The following PRKDC variants were observed in gnomAD, a reference collection of about 807,000 sequenced individuals.
The protein encoded by PRKDC is protein kinase, DNA-activated, catalytic subunit.
In PRKDC, 82 loss-of-function variants were observed where a neutral mutation model predicts 486.9. That is an observed-to-expected ratio of 0.17 (90% CI 0.14 to 0.20). The LOEUF is 0.20. Among genes scored for constraint, PRKDC ranks in the 10% least tolerant of loss-of-function variants. The pLI, the probability that PRKDC is intolerant of heterozygous loss-of-function variation, is 1.00. For missense variants in PRKDC, 4,504 were observed against 5,038.2 expected (o/e 0.89, Z 3.21); for synonymous variants, 1,895 against 1,837.0 (o/e 1.03, Z -0.81).
chr8:47,911,366 G>A (rs1250717834), intron 25 of PRKDC, among the ~76,000 whole-genome samples: 1 of 152,238 alleles, frequency 6.6e-6, no homozygotes, highest in Non-Finnish European at 1.5e-5. Context: ...CAAGATTCAG[G>A]CAGACATTCT....
At chr8:47,787,231 A>T (rs1179335007) in intron 76 of PRKDC, among the ~76,000 whole-genome samples, 1 of 152,232 alleles carries the variant, frequency 6.6e-6, no homozygotes, top group African/African-American at 2.4e-5. Flanking sequence ...TGTTTTTACC[A>T]AATTTGTAAC....
In PRKDC at chr8:47,953,683, G is replaced by T; in HGVS notation, c.658C>A (p.Leu220Met). 1 of 1,613,420 alleles carries T rather than the reference G, an allele frequency of 6.2e-7. No individual in the cohort carries two copies. Among genetic ancestry groups the T allele is most frequent in the Non-Finnish European group, 8.5e-7 (1 of 1,179,690 alleles). The change falls in exon 7 of 86, where the codon CTG becomes ATG. Residue 220 changes from leucine (L) to methionine (M), a missense_variant. Around this residue, in one of 6 missense-constraint regions of PRKDC, gnomAD observed 1,969 missense variants for 2,068.9 expected, o/e 0.95. Coordinates refer to ENST00000314191, the MANE Select transcript of PRKDC (RefSeq NM_006904.7). ...SAVREPKLPVLAGCLKGLSSL... is the reference protein window; with the variant it reads ...SAVREPKLPVMAGCLKGLSSL... Reference sequence around the variant, plus strand: ...GACAACCCCTTCAGACATCCTGCCAGAACAGGTAGTTTGGGCTCTCTTACT... The same window carrying T: ...GACAACCCCTTCAGACATCCTGCCATAACAGGTAGTTTGGGCTCTCTTACT...
chr8:47,954,020 A>G, intron 5 of PRKDC, 101 bp from the exon 6 acceptor site: 1 of 693,884 alleles, frequency 1.4e-6, no homozygotes. Context: ...AAAGTTCAAA[A>G]TTGATTTTAC....
At chr8:47,872,951 T>C (rs2088991818) in intron 40 of PRKDC, among the ~76,000 whole-genome samples, 1 of 152,128 alleles carries the variant, frequency 6.6e-6, no homozygotes, top group Non-Finnish European at 1.5e-5. Context: ...ACCTTACAGA[T>C]GTTTACAGAA....
chr8:47,812,031 C>T (rs936391574), intron 68 of PRKDC, among the ~76,000 whole-genome samples: 4 of 152,170 alleles, frequency 2.6e-5, no homozygotes, highest in Non-Finnish European at 5.9e-5. Flanking sequence ...CAAACCTGCA[C>T]ATTCTGCACA....
chr8:47,847,801 A>C (rs961182244), intron 54 of PRKDC, among the ~76,000 whole-genome samples: 5 of 151,916 alleles, frequency 3.3e-5, no homozygotes, highest in African/African-American at 1.2e-4. Flanking sequence ...TAATTCAACA[A>C]GTAAAAAGTG....
chr8:47,927,403 T>A (rs1489106613), intron 20 of PRKDC, 50 bp from the exon 21 acceptor site: 2 of 1,545,996 alleles, frequency 1.3e-6, no homozygotes, highest in Admixed American at 2.2e-5. Context: ...AATATAAGAT[T>A]TAGAGGAAAA....
chr8:47,776,108 C>T (rs752313214), intron 85 of PRKDC, among the ~76,000 whole-genome samples: 16 of 152,138 alleles, frequency 1.1e-4, no homozygotes, highest in Admixed American at 3.9e-4. Context: ...TGAGCCACCA[C>T]GCCCAGCTGA....
chr8:47,959,182 ATAAT>A (rs1342374663), intron 1 of PRKDC: 1 of 152,258 alleles, frequency 6.6e-6, no homozygotes, highest in Admixed American at 6.5e-5. Flanking sequence ...GGAGATCCAC[ATAAT>A]TAAGTATTTG....
intron 40 of PRKDC, among the ~76,000 whole-genome samples, chr8:47,867,081 G>A (rs1375768715): frequency 1.3e-5 from 2 of 152,240 alleles, no homozygotes; most frequent in Non-Finnish European, 2.9e-5. Flanking sequence ...GAACCCAGAA[G>A]TCCATTGGCA....
At position 47,859,690 on chromosome 8, in the gene PRKDC, A is replaced by G; in HGVS notation, c.6128T>C (p.Phe2043Ser). 6.2e-7 allele frequency: 1 copy of G among 1,613,916 alleles called. No homozygotes were observed. Residue 2043 changes from phenylalanine to serine, a missense_variant, in exon 46 of 86, where the codon TTT (phenylalanine) becomes TCT (serine). Transcript: ENST00000314191. ...GCTCTGAACTCCGGTTGAGAAATCAAATTGACTCATTTCCTCACTCAGGGT... is the reference window on the plus strand; with the variant it reads ...GCTCTGAACTCCGGTTGAGAAATCAGATTGACTCATTTCCTCACTCAGGGT... ...DSTLSEEMSQFDFSTGVQSYS... is the reference protein window; with the variant it reads ...DSTLSEEMSQSDFSTGVQSYS...
intron 28 of PRKDC, among the ~76,000 whole-genome samples, chr8:47,899,858 T>C (rs1239110664): frequency 6.6e-6 from 1 of 152,224 alleles, no homozygotes; most frequent in Non-Finnish European, 1.5e-5. Flanking sequence ...TGTAATCATT[T>C]ATTACTCTCT....
Position 47,823,949 on chromosome 8 carries a change from G to C in PRKDC, c.8831C>G (p.Thr2944Ser), listed in dbSNP as rs777699923. Residue 2944 changes from threonine (T) to serine (S), a missense_variant, in exon 64 of 86, where the codon ACC becomes AGC. By Grantham distance (58) the Thr-to-Ser change is moderately conservative. This residue lies in a region of PRKDC where 1,592 missense variants were observed against 1,724.6 expected (regional missense o/e 0.92). Coordinates refer to ENST00000314191, the MANE Select transcript of PRKDC (RefSeq NM_006904.7). ...GATTTGCTTTGTTCCTATCTCACTG[G>C]TAAAAATCCCACGGAGGACGTCGTA... is the stretch of plus-strand genomic sequence containing the variant. ...GEYDVLRGIF[T>S]SEIGTKQITQ... 14 of 1,613,194 alleles carry C rather than the reference G, an allele frequency of 8.7e-6. No homozygotes were observed. Among genetic ancestry groups the C allele is most frequent in the Non-Finnish European group, 1.1e-5 (13 of 1,179,520 alleles).
intron 68 of PRKDC, among the ~76,000 whole-genome samples, chr8:47,813,148 T>C (rs1296279700): frequency 6.6e-6 from 1 of 151,648 alleles, no homozygotes; most frequent in Non-Finnish European, 1.5e-5. Flanking sequence ...GACAGAATCT[T>C]GCTCTGTCTC....
intron 68 of PRKDC, among the ~76,000 whole-genome samples, chr8:47,815,528 A>AGATAATTG (rs2087424817): frequency 1.3e-5 from 2 of 152,224 alleles, no homozygotes; most frequent in Non-Finnish European, 2.9e-5. Flanking sequence ...CTTAAAGGGG[A>AGATAATTG]GCCTGTTGGC....
chr8:47,863,512 C>T lies in PRKDC; in HGVS notation c.5637G>A (p.Val1879=). ...CATCTTTGGGAAGGCGAGAATACAT[C>T]ACGTCTAGAATCTTATAGTAGCCCA... ...KKMGYYKILD[V]MYSRLPKDDV... is the part of the protein sequence containing the mutation. Residue 1879 remains valine, a synonymous_variant, in exon 42 of 86, where the codon GTG becomes GTA. Transcript: ENST00000314191. The T allele has an allele frequency of 6.2e-7, 1 of 1,612,738 alleles. No individual in the cohort carries two copies. Among genetic ancestry groups the T allele is most frequent in the Non-Finnish European group, 8.5e-7 (1 of 1,179,182 alleles).
At chr8:47,842,089 G>C (rs1445977013) in intron 54 of PRKDC, among the ~76,000 whole-genome samples, 1 of 152,092 alleles carries the variant, frequency 6.6e-6, no homozygotes, top group African/African-American at 2.4e-5. Flanking sequence ...TGGGCCTCTG[G>C]AATGCTGCAG....
chr8:47,838,848 G>A (rs551923872), intron 56 of PRKDC, among the ~76,000 whole-genome samples: 3 of 152,306 alleles, frequency 2.0e-5, no homozygotes, highest in Admixed American at 6.5e-5. Flanking sequence ...ATGGGAAACA[G>A]AAGAATTGTC....
At chr8:47,875,633 C>T (rs1266416043) in intron 40 of PRKDC, among the ~76,000 whole-genome samples, 1 of 152,164 alleles carries the variant, frequency 6.6e-6, no homozygotes, top group Non-Finnish European at 1.5e-5. Context: ...GATCAAAATG[C>T]TATCTGACTT....
Sources: gnomAD v4.1 joint callset for allele counts (sites outside exome capture counted in the v4.1 genomes callset) on GRCh38, gnomAD v4.1.1 for gene constraint, gnomAD v4.1.1 regional missense constraint, MANE v1.5 for transcripts, NCBI Gene and HGNC (gene_info 2026-07-23, HGNC 2026-07-21) for gene names.